The following NEBL variants were observed in gnomAD, a reference collection of about 807,000 sequenced individuals.
The protein encoded by NEBL is nebulette, also known as LIM and SH3 protein 2.
NEBL carries 122 observed loss-of-function variants against 140.2 expected under a neutral mutation model. The ratio of observed to expected loss-of-function variants is 0.87; its 90% confidence interval spans 0.75 to 1.01. NEBL has a LOEUF of 1.01. NEBL is among the 50% of genes least tolerant of loss of function. NEBL has a pLI of 0.00. For missense variants in NEBL, 1,365 were observed against 1,231.3 expected (o/e 1.11, Z -1.62); for synonymous variants, 436 against 398.9 (o/e 1.09, Z -1.11).
chr10:20,968,503 C>A (rs1836429832), intron 3 of NEBL, among the ~76,000 whole-genome samples: 1 of 151,974 alleles, frequency 6.6e-6, no homozygotes, highest in Non-Finnish European at 1.5e-5. Flanking sequence ...AGAGCAAGAC[C>A]CCATCTCTAA....
At chr10:21,126,082 G>A in intron 2 of NEBL, 1 of 1,613,954 alleles carries the variant, frequency 6.2e-7, no homozygotes, top group Non-Finnish European at 8.5e-7. Flanking sequence ...CTTCCTGGGA[G>A]GCCTCAGGCC....
At chr10:20,994,180 C>T (rs940986265) in intron 3 of NEBL, among the ~76,000 whole-genome samples, 41 of 152,352 alleles carry the variant, frequency 2.7e-4, no homozygotes, top group African/African-American at 9.6e-4. Flanking sequence ...TTGAATTACG[C>T]TGACCTGAAA....
intron 3 of NEBL, among the ~76,000 whole-genome samples, chr10:21,189,450 G>A (rs111436338): frequency 0.022 from 3,362 of 152,120 alleles, 118 homozygotes; most frequent in African/African-American, 0.075. Context: ...TTCTGTTGTT[G>A]CTTTTTTTTG....
chr10:20,952,781 T>G (rs1835546188), intron 4 of NEBL, among the ~76,000 whole-genome samples: 2 of 151,614 alleles, frequency 1.3e-5, no homozygotes, highest in Non-Finnish European at 2.9e-5. Context: ...GGTACATGCC[T>G]GTAATCCCAG....
chr10:21,128,682 A>T (rs1236146772), intron 2 of NEBL, among the ~76,000 whole-genome samples: 1 of 152,332 alleles, frequency 6.6e-6, no homozygotes, highest in South Asian at 2.1e-4. Flanking sequence ...AAGACCAACA[A>T]GAGAACATCA....
rs542004748 is a variant in NEBL, at chr10:21,154,158, T to TA, written c.164+18224dup. 2.5e-4 allele frequency among the ~76,000 whole-genome samples: 38 copies of TA among 152,044 alleles called. No homozygotes were observed. In the South Asian group the frequency reaches 7.9e-3, roughly 32 times the overall value. ...GTCTTTAAAGCAAACACTAAAGTCA[T>TA]ATTTAAAAGTGAGCCACTGGCTGGG... On this transcript the variant is annotated intron_variant, in intron 2 of 6. Transcript: ENST00000417816.
At chr10:21,169,984 C>A (rs113747484) in intron 2 of NEBL, among the ~76,000 whole-genome samples, 1 of 152,110 alleles carries the variant, frequency 6.6e-6, no homozygotes, top group Admixed American at 6.5e-5. Flanking sequence ...CACATCTCAA[C>A]GTTTCTGGGC....
intron 15 of NEBL, 33 bp from the exon 16 acceptor site, chr10:20,831,339 C>T: frequency 6.4e-7 from 1 of 1,560,464 alleles, no homozygotes; most frequent in Non-Finnish European, 8.8e-7. Context: ...TAGAGCTTTG[C>T]TTAAGCTTTA....
intron 2 of NEBL, among the ~76,000 whole-genome samples, chr10:20,891,714 C>CT (rs1847055646): frequency 6.6e-6 from 1 of 151,862 alleles, no homozygotes. Context: ...TAAAAAGATA[C>CT]ACATATTTGT....
intron 27 of NEBL, among the ~76,000 whole-genome samples, chr10:20,786,271 CAT>C (rs1835400206): frequency 6.6e-6 from 1 of 152,134 alleles, no homozygotes; most frequent in African/African-American, 2.4e-5. Context: ...CAAAACTCGT[CAT>C]ATGTCAGAGA....
intron 3 of NEBL, among the ~76,000 whole-genome samples, chr10:21,216,306 A>G (rs886579232): frequency 2.6e-5 from 4 of 152,192 alleles, no homozygotes; most frequent in African/African-American, 9.7e-5. Flanking sequence ...GAGAATTAAG[A>G]CAAGGAGAAG....
chr10:21,085,818 C>T (rs1412199537), intron 2 of NEBL, among the ~76,000 whole-genome samples: 1 of 152,016 alleles, frequency 6.6e-6, no homozygotes, highest in Non-Finnish European at 1.5e-5. Context: ...GGCAACAGGA[C>T]AAAAGAGGCA....
intron 2 of NEBL, among the ~76,000 whole-genome samples, chr10:21,056,407 C>T (rs553690138): frequency 7.9e-6 from 1 of 127,230 alleles, no homozygotes; most frequent in South Asian, 2.4e-4. Flanking sequence ...AAAAGCTGGA[C>T]CTGCAAAAAA....
chr10:21,210,775 A>G (rs1352793917), intron 3 of NEBL, among the ~76,000 whole-genome samples: 1 of 152,216 alleles, frequency 6.6e-6, no homozygotes. Flanking sequence ...GGAGGAACAT[A>G]CGTTAAGATA....
At chr10:21,101,800 C>T (rs1837492518) in intron 2 of NEBL, among the ~76,000 whole-genome samples, 3 of 152,188 alleles carry the variant, frequency 2.0e-5, no homozygotes, top group Admixed American at 1.3e-4. Flanking sequence ...TAAGTGGAAA[C>T]TGTAATAAGA....
chr10:21,288,820 G>GATATATATATATATATA (rs1843099453), intron 1 of NEBL, among the ~76,000 whole-genome samples: 1 of 35,026 alleles, frequency 2.9e-5, no homozygotes, highest in East Asian at 2.5e-3. Flanking sequence ...GTGTGTGTGT[G>GATATATATATATATATA]TATATATATA....
chr10:20,992,322 A>C (rs946861), intron 3 of NEBL, among the ~76,000 whole-genome samples: 3,220 of 152,302 alleles, frequency 0.021, 71 homozygotes, highest in Admixed American at 0.068. Flanking sequence ...ACCAGGTTGA[A>C]GTTATAGATA....
intron 3 of NEBL, among the ~76,000 whole-genome samples, chr10:21,198,215 C>A (rs565699861): frequency 6.6e-6 from 1 of 152,268 alleles, no homozygotes; most frequent in East Asian, 1.9e-4. Context: ...AATCCTTCAG[C>A]CTGCTAGGTC....
At chr10:20,836,940 A>G (rs1405377970) in intron 13 of NEBL, among the ~76,000 whole-genome samples, 1 of 152,152 alleles carries the variant, frequency 6.6e-6, no homozygotes, top group African/African-American at 2.4e-5. Context: ...TAAGTCAGTG[A>G]ACTTAATCGA....
Sources: allele counts gnomAD v4.1 joint callset (sites outside exome capture counted in the v4.1 genomes callset), GRCh38; gene constraint gnomAD v4.1.1; transcripts MANE v1.5; gene names NCBI Gene and HGNC (gene_info 2026-07-23, HGNC 2026-07-21).